ANO1: variants seen among roughly 807,000 people sequenced by gnomAD.
ANO1 encodes anoctamin-1.
In ANO1, 59 loss-of-function variants were observed where a neutral mutation model predicts 124.0. That is an observed-to-expected ratio of 0.48 (90% CI 0.39 to 0.59). ANO1 has a LOEUF of 0.59. Among genes scored for constraint, ANO1 ranks in the 20% least tolerant of loss-of-function variants. The pLI is 0.00. For missense variants in ANO1, 1,059 were observed against 1,328.0 expected (o/e 0.80, Z 3.15); for synonymous variants, 529 against 532.0 (o/e 0.99, Z 0.08).
At chr11:70,085,747 C>A in intron 1 of ANO1, 1 of 1,408,350 alleles carries the variant, frequency 7.1e-7, no homozygotes, top group Non-Finnish European at 9.3e-7. Flanking sequence ...GGACAGCCTC[C>A]ACTCGAGGCC....
chr11:70,035,358 A>G (rs4980750), intron 1 of ANO1, among the ~76,000 whole-genome samples: 31 of 152,196 alleles, frequency 2.0e-4, no homozygotes, highest in African/African-American at 7.2e-4. Flanking sequence ...GCGCTGGCGA[A>G]CTTTTCACTT....
At chr11:70,016,605 C>A (rs921027526) in intron 1 of ANO1, among the ~76,000 whole-genome samples, 3 of 152,208 alleles carry the variant, frequency 2.0e-5, no homozygotes, top group African/African-American at 7.2e-5. Flanking sequence ...CTCCGCTCTG[C>A]CACCGTCAGG....
chr11:69,987,593 A>G, intron 1 of ANO1, among the ~76,000 whole-genome samples: 1 of 135,172 alleles, frequency 7.4e-6, no homozygotes. Context: ...TAACAGAGCA[A>G]GACCATGTCT....
At chr11:69,993,250 A>C (rs1235801119) in intron 1 of ANO1, among the ~76,000 whole-genome samples, 1 of 152,050 alleles carries the variant, frequency 6.6e-6, no homozygotes, top group Non-Finnish European at 1.5e-5. Flanking sequence ...TCCCTTTTAC[A>C]CTTAATCAGA....
chr11:70,163,611 T>G lies in ANO1; in HGVS notation c.1950+271T>G, dbSNP rs1054293498. 6.5e-5 allele frequency: 39 copies of G among 601,630 alleles called. No individual in the cohort carries two copies. In the African/African-American group the frequency reaches 6.9e-4, roughly 11 times the overall value. 37.3% of individuals were successfully genotyped at this position (601,630 alleles called of 1,614,324 possible). A position where few individuals can be genotyped will look rare whatever the true frequency, so the allele number is the denominator to read the frequency against. On this transcript the variant is annotated intron_variant, in intron 19 of 25. Coordinates refer to ENST00000355303, the MANE Select transcript of ANO1 (RefSeq NM_018043.7). ...AACATCTGGTTTTCTTTTCTTTTTT[T>G]GTGAGACTGAATATTTCTCTTCTGG...
rs1397988175 is a variant in ANO1 at position 70,025,905 on chromosome 11, ATGG to A, written c.58+39751_58+39753del. Among the ~76,000 whole-genome samples, 115 of 99,112 alleles carry A rather than the reference ATGG, an allele frequency of 1.2e-3. 1 individual carries two copies. Among genetic ancestry groups the A allele is most frequent in the Non-Finnish European group, 1.9e-3 (84 of 44,514 alleles). The allele number at this position is 99,112 out of a possible 152,430, so 65.0% of individuals were successfully genotyped here. On this transcript the variant is annotated intron_variant, in intron 1 of 27. Transcript: ENST00000531349. ...GGTGATGATGGTGATGATGATGATG[ATGG>A]TGGTGGTGGTGACGATGATGATGGT... is the stretch of plus-strand genomic sequence containing the variant.
At chr11:70,042,913 C>A (rs1591053065) in intron 1 of ANO1, among the ~76,000 whole-genome samples, 1 of 152,082 alleles carries the variant, frequency 6.6e-6, no homozygotes, top group African/African-American at 2.4e-5. Context: ...GAACAAGCAA[C>A]AAAATCTAGC....
chr11:70,181,318 C>T (rs113965257), intron 23 of ANO1, among the ~76,000 whole-genome samples: 20 of 152,254 alleles, frequency 1.3e-4, no homozygotes, highest in African/African-American at 4.8e-4. Flanking sequence ...ACTCAGTCCC[C>T]ACAGAGGGCA....
At chr11:70,060,297 C>T (rs7930129) in intron 1 of ANO1, among the ~76,000 whole-genome samples, 35,215 of 152,130 alleles carry the variant, frequency 0.23, 4,801 homozygotes, top group South Asian at 0.33. Context: ...AGTGCAGCAG[C>T]TTCCATAATG....
chr11:70,076,357 T>C (rs1484673126), upstream of ANO1, among the ~76,000 whole-genome samples: 2 of 151,688 alleles, frequency 1.3e-5, no homozygotes, highest in African/African-American at 4.8e-5. Context: ...CCCAGAGCCC[T>C]CTCAGGCCAG....
chr11:70,086,217 G>T (rs984334763), intron 1 of ANO1, among the ~76,000 whole-genome samples: 1 of 152,202 alleles, frequency 6.6e-6, no homozygotes, highest in Admixed American at 6.5e-5. Context: ...TGCCTGTTAG[G>T]TTCTACCCAG....
At chr11:70,104,194 T>C in intron 4 of ANO1, 44 bp downstream of exon 4, 2 of 1,572,802 alleles carry the variant, frequency 1.3e-6, no homozygotes, top group South Asian at 2.3e-5. Flanking sequence ...GTCCTGTGTG[T>C]GGGGATTTAA....
In ANO1 at chr11:70,158,765, G is replaced by A. The variant is rs115700655; in HGVS notation, c.1578+1744G>A. On this transcript the variant is annotated intron_variant, in intron 16 of 25. Coordinates refer to ENST00000355303, the MANE Select transcript of ANO1 (RefSeq NM_018043.7). ...AGGTACAGTAAGAGGGACGCTGGCC[G>A]ACATAAAGAAGTCCAGAGGAGGGTG... 3.1e-3 allele frequency among the ~76,000 whole-genome samples: 474 copies of A among 152,328 alleles called. 1 individual carries two copies. Among genetic ancestry groups the A allele is most frequent in the African/African-American group, 0.01 (432 of 41,570 alleles).
chr11:70,109,194 T>C (rs953734654), intron 6 of ANO1, among the ~76,000 whole-genome samples: 1 of 152,106 alleles, frequency 6.6e-6, no homozygotes, highest in African/African-American at 2.4e-5. Flanking sequence ...ACACAGCAGG[T>C]CTGGTGAAAG....
At chr11:69,996,401 A>T (rs1856272380) in intron 1 of ANO1, among the ~76,000 whole-genome samples, 1 of 152,238 alleles carries the variant, frequency 6.6e-6, no homozygotes, top group Non-Finnish European at 1.5e-5. Flanking sequence ...TCGGCTGAAC[A>T]GTAAGTTGTG....
At chr11:69,997,804 T>C (rs181404292) in intron 1 of ANO1, among the ~76,000 whole-genome samples, 1 of 152,268 alleles carries the variant, frequency 6.6e-6, no homozygotes, top group Admixed American at 6.5e-5. Context: ...TCTCTCTCTC[T>C]TGCTCCTGCT....
chr11:69,966,042 A>G, the ANO1 span, among the ~76,000 whole-genome samples: 1 of 152,022 alleles, frequency 6.6e-6, no homozygotes, highest in South Asian at 2.1e-4. Flanking sequence ...ACAGCTCCTC[A>G]GGGCAGGGTT....
At chr11:70,041,556 C>T (rs1363475686) in intron 1 of ANO1, among the ~76,000 whole-genome samples, 1 of 152,222 alleles carries the variant, frequency 6.6e-6, no homozygotes, top group East Asian at 1.9e-4. Flanking sequence ...ACTAAACTGA[C>T]TTTCATGAAA....
chr11:69,995,274 T>G (rs1856247582), intron 1 of ANO1, among the ~76,000 whole-genome samples: 1 of 152,012 alleles, frequency 6.6e-6, no homozygotes. Context: ...TAATTTTGTA[T>G]TTTTAGTAGA....
Sources: allele counts gnomAD v4.1 joint callset (sites outside exome capture counted in the v4.1 genomes callset), GRCh38; gene constraint gnomAD v4.1.1; transcripts MANE v1.5; gene names NCBI Gene and HGNC (gene_info 2026-07-23, HGNC 2026-07-21).